The following TMEM178B variants were observed in gnomAD, a reference collection of about 807,000 sequenced individuals.
The protein encoded by TMEM178B is transmembrane protein 178B.
TMEM178B carries 5 observed loss-of-function variants against 31.0 expected under a neutral mutation model. That is an observed-to-expected ratio of 0.16 (90% CI 0.08 to 0.34). The LOEUF (loss-of-function observed/expected upper bound fraction) is 0.34. Ranked by LOEUF, TMEM178B falls within the 10% of genes least tolerant of loss-of-function variation. The pLI is 1.00. For missense variants in TMEM178B, 275 were observed against 400.3 expected (o/e 0.69, Z 2.67); for synonymous variants, 164 against 164.0 (o/e 1.00, Z 0.00).
chr7:141,439,760 GC>G (rs1206102039), intron 3 of TMEM178B, among the ~76,000 whole-genome samples: 4 of 152,180 alleles, frequency 2.6e-5, no homozygotes, highest in Admixed American at 1.3e-4. Flanking sequence ...AATCCAGTGA[GC>G]CCTGGGGGCC....
intron 3 of TMEM178B, among the ~76,000 whole-genome samples, chr7:141,440,593 T>G (rs1801639852): frequency 6.6e-6 from 1 of 152,108 alleles, no homozygotes; most frequent in African/African-American, 2.4e-5. Context: ...AGGGCTGAGA[T>G]GGGGCCTCGA....
At chr7:141,410,909 C>T (rs1800975173) in intron 2 of TMEM178B, among the ~76,000 whole-genome samples, 1 of 152,106 alleles carries the variant, frequency 6.6e-6, no homozygotes, top group South Asian at 2.1e-4. Context: ...ATGCATGCTA[C>T]AACATAGATG....
chr7:141,272,998 T>C (rs560702016), intron 2 of TMEM178B, among the ~76,000 whole-genome samples: 1 of 152,214 alleles, frequency 6.6e-6, no homozygotes, highest in South Asian at 2.1e-4. Flanking sequence ...ATAAAGAAAA[T>C]GTAACATATG....
At chr7:141,494,326 TTCA>T in the TMEM178B span, among the ~76,000 whole-genome samples, 1 of 152,216 alleles carries the variant, frequency 6.6e-6, no homozygotes, top group East Asian at 1.9e-4. Flanking sequence ...TGATTCTGAT[TTCA>T]GTTATTGCAA....
intron 2 of TMEM178B, among the ~76,000 whole-genome samples, chr7:141,230,040 A>G (rs1371026675): frequency 1.3e-5 from 2 of 152,194 alleles, no homozygotes; most frequent in Non-Finnish European, 2.9e-5. Context: ...CAAACTCTTC[A>G]TAAACATAAT....
chr7:141,483,975 A>C (rs1802519377), downstream of TMEM178B, among the ~76,000 whole-genome samples: 1 of 152,050 alleles, frequency 6.6e-6, no homozygotes, highest in African/African-American at 2.4e-5. Context: ...ATCTCAGGTG[A>C]TCCACACGTC....
chr7:141,172,127 A>C (rs994638547), intron 1 of TMEM178B, among the ~76,000 whole-genome samples: 2 of 152,168 alleles, frequency 1.3e-5, no homozygotes, highest in Non-Finnish European at 2.9e-5. Context: ...ACCTTCCCCA[A>C]GGTTACAGAG....
At chr7:141,273,661 A>G (rs562709829) in intron 2 of TMEM178B, among the ~76,000 whole-genome samples, 1 of 151,984 alleles carries the variant, frequency 6.6e-6, no homozygotes, top group African/African-American at 2.4e-5. Context: ...ATGACTGCGG[A>G]GAGAGTGTGC....
At chr7:141,310,626 C>T (rs1253619785) in intron 2 of TMEM178B, among the ~76,000 whole-genome samples, 8 of 151,970 alleles carry the variant, frequency 5.3e-5, no homozygotes, top group Admixed American at 1.3e-4. Context: ...CTTCCTGGAA[C>T]GGTGATTATT....
chr7:141,245,786 A>G (rs1433390348), intron 2 of TMEM178B, among the ~76,000 whole-genome samples: 3 of 152,236 alleles, frequency 2.0e-5, no homozygotes, highest in Admixed American at 2.0e-4. Flanking sequence ...ATCTTCATCC[A>G]AACCTTTTCC....
intron 2 of TMEM178B, among the ~76,000 whole-genome samples, chr7:141,424,244 C>T (rs1395142731): frequency 1.3e-5 from 2 of 152,162 alleles, no homozygotes; most frequent in African/African-American, 4.8e-5. Context: ...GAAAGCATCA[C>T]ATGCAAAAAA....
rs7800347 is a variant in TMEM178B, at chr7:141,422,580, G to C, written c.497-15028G>C. On this transcript the variant is annotated intron_variant, in intron 2 of 3. Transcript: ENST00000565468. This position sits in a 1 kb window ranked among gnomAD's most constrained non-coding sequence, Gnocchi z 4.2. ...AGAGCCTGTGTTGGCTCTGTTGCCAGAGGCAGCATGAAACAGCCTCTGGCC... is the reference window on the plus strand; with the variant it reads ...AGAGCCTGTGTTGGCTCTGTTGCCACAGGCAGCATGAAACAGCCTCTGGCC... Among the ~76,000 whole-genome samples the C allele has an allele frequency of 0.35, 52,830 of 152,048 alleles. 9,491 individuals carry two copies. Among genetic ancestry groups the C allele is most frequent in the South Asian group, 0.51 (2,436 of 4,812 alleles).
chr7:141,286,332 G>T (rs1179648147), intron 2 of TMEM178B, among the ~76,000 whole-genome samples: 1 of 152,106 alleles, frequency 6.6e-6, no homozygotes, highest in Non-Finnish European at 1.5e-5. Context: ...AGGTGAAATG[G>T]CTTAGATAAA....
At chr7:141,294,891 C>T (rs753050930) in intron 2 of TMEM178B, among the ~76,000 whole-genome samples, 2 of 152,196 alleles carry the variant, frequency 1.3e-5, no homozygotes, top group East Asian at 1.9e-4. Context: ...GCACCCTCGC[C>T]ATGTGCACAG....
intron 2 of TMEM178B, among the ~76,000 whole-genome samples, chr7:141,401,615 T>G (rs1410759046): frequency 6.6e-6 from 1 of 151,818 alleles, no homozygotes; most frequent in African/African-American, 2.4e-5. Context: ...AGAGATGGAG[T>G]TACGGTATGT....
chr7:141,259,383 C>T (rs754356519), intron 2 of TMEM178B, among the ~76,000 whole-genome samples: 11 of 152,120 alleles, frequency 7.2e-5, no homozygotes, highest in Non-Finnish European at 1.2e-4. Flanking sequence ...ATTCTTTGAG[C>T]ATATTTATAA....
At chr7:141,392,486 A>C (rs1427739116) in intron 2 of TMEM178B, among the ~76,000 whole-genome samples, 1 of 152,198 alleles carries the variant, frequency 6.6e-6, no homozygotes, top group Admixed American at 6.5e-5. Context: ...ACTTCAGTGT[A>C]AATTGCAGGC....
chr7:141,254,160 TGAG>T (rs981576851), intron 2 of TMEM178B, among the ~76,000 whole-genome samples: 4 of 152,228 alleles, frequency 2.6e-5, no homozygotes, highest in Non-Finnish European at 5.9e-5. Context: ...GTTTCCTAAG[TGAG>T]AAATAACCAG....
At chr7:141,409,948 G>T (rs1418013533) in intron 2 of TMEM178B, among the ~76,000 whole-genome samples, 2 of 152,100 alleles carry the variant, frequency 1.3e-5, no homozygotes, top group Non-Finnish European at 2.9e-5. Flanking sequence ...CCTCTGCTGA[G>T]CCCCGGGTGA....
Sources: allele counts gnomAD v4.1 joint callset (sites outside exome capture counted in the v4.1 genomes callset), GRCh38; gene constraint gnomAD v4.1.1; non-coding constraint Gnocchi (gnomAD v3.1); transcripts MANE v1.5; gene names NCBI Gene and HGNC (gene_info 2026-07-23, HGNC 2026-07-21).